The following FAT3 variants were observed in gnomAD, a reference collection of about 807,000 sequenced individuals.
FAT3 encodes FAT atypical cadherin 3.
In FAT3, 95 loss-of-function variants were observed where a neutral mutation model predicts 310.2. That is an observed-to-expected ratio of 0.31 (90% CI 0.26 to 0.36). FAT3 has a LOEUF of 0.36. FAT3 is among the 10% of genes least tolerant of loss of function. FAT3 has a pLI of 1.00. For missense variants in FAT3, 5,408 were observed against 5,715.6 expected (o/e 0.95, Z 1.74); for synonymous variants, 2,314 against 2,192.9 (o/e 1.06, Z -1.54).
intron 1 of FAT3, among the ~76,000 whole-genome samples, chr11:92,276,421 C>T (rs2134350560): frequency 6.6e-6 from 1 of 152,206 alleles, no homozygotes; most frequent in African/African-American, 2.4e-5. Context: ...TATATTTACT[C>T]ACGCCAGGAT....
chr11:92,244,284 A>G (rs979425292), intron 1 of FAT3, among the ~76,000 whole-genome samples: 1 of 151,946 alleles, frequency 6.6e-6, no homozygotes, highest in Non-Finnish European at 1.5e-5. Flanking sequence ...TCCTTTTATA[A>G]CCCTTTTATG....
At chr11:92,236,132 T>C (rs1315037565) in intron 1 of FAT3, among the ~76,000 whole-genome samples, 3 of 152,182 alleles carry the variant, frequency 2.0e-5, no homozygotes, top group African/African-American at 7.2e-5. Flanking sequence ...GTAACTATTA[T>C]TACACTAAGT....
At chr11:92,476,532 A>G (rs1952056931) in intron 2 of FAT3, among the ~76,000 whole-genome samples, 1 of 152,208 alleles carries the variant, frequency 6.6e-6, no homozygotes, top group Non-Finnish European at 1.5e-5. Context: ...AAATGAGGCA[A>G]TAACATGAGA....
intron 6 of FAT3, among the ~76,000 whole-genome samples, chr11:92,770,985 G>A (rs142324240): frequency 9.7e-4 from 148 of 152,252 alleles, no homozygotes; most frequent in Non-Finnish European, 1.6e-3. Flanking sequence ...TGTCTTGACC[G>A]AAAATGGTCA....
chr11:92,794,690 T>G (rs1947125003), intron 9 of FAT3, among the ~76,000 whole-genome samples: 1 of 152,152 alleles, frequency 6.6e-6, no homozygotes, highest in South Asian at 2.1e-4. Context: ...TAAAACATCT[T>G]TCATAAAGAA....
chr11:92,325,398 T>C (rs1319692657), intron 1 of FAT3, among the ~76,000 whole-genome samples: 12 of 152,204 alleles, frequency 7.9e-5, no homozygotes, highest in African/African-American at 2.2e-4. Context: ...GTGTACACAA[T>C]GAGTATAACA....
At chr11:92,238,471 G>A (rs531581656) in intron 1 of FAT3, among the ~76,000 whole-genome samples, 49 of 152,160 alleles carry the variant, frequency 3.2e-4, no homozygotes, top group South Asian at 2.7e-3. Context: ...TTGAAATTTC[G>A]TTTGTATAGC....
intron 3 of FAT3, among the ~76,000 whole-genome samples, chr11:92,540,890 A>G (rs1250746046): frequency 2.0e-5 from 3 of 152,080 alleles, no homozygotes; most frequent in East Asian, 3.9e-4. Context: ...TTCTCTGTGC[A>G]ATGATTTCTA....
At chr11:92,856,658 A>G (rs1176314072) in intron 19 of FAT3, among the ~76,000 whole-genome samples, 1 of 152,224 alleles carries the variant, frequency 6.6e-6, no homozygotes, top group African/African-American at 2.4e-5. Context: ...AATCAATAAC[A>G]TAGCATGTAG....
chr11:92,635,740 T>G (rs767631988), intron 3 of FAT3, among the ~76,000 whole-genome samples: 2 of 152,218 alleles, frequency 1.3e-5, no homozygotes, highest in Non-Finnish European at 2.9e-5. Flanking sequence ...TCTCTTTCAA[T>G]GTAACTGGAG....
chr11:92,886,665 C>T (rs1466903437), intron 24 of FAT3, among the ~76,000 whole-genome samples: 1 of 152,206 alleles, frequency 6.6e-6, no homozygotes, highest in Non-Finnish European at 1.5e-5. Flanking sequence ...TGTAAATTAA[C>T]TCTGAATGGC....
chr11:92,682,920 A>G (rs889905895), intron 3 of FAT3, among the ~76,000 whole-genome samples: 1 of 152,130 alleles, frequency 6.6e-6, no homozygotes, highest in Non-Finnish European at 1.5e-5. Flanking sequence ...TCTACTAAAA[A>G]TACAAAAATT....
chr11:92,442,262 C>T (rs933230228), intron 2 of FAT3, among the ~76,000 whole-genome samples: 7 of 148,436 alleles, frequency 4.7e-5, no homozygotes, highest in African/African-American at 1.5e-4. Context: ...TACAGGCACC[C>T]GCCACCACGC....
chr11:92,476,959 G>A (rs1941437), intron 2 of FAT3, among the ~76,000 whole-genome samples: 135,454 of 152,230 alleles, frequency 0.89, 61,324 homozygotes, highest in East Asian at 0.98. Flanking sequence ...GTAGACAGTT[G>A]TTTAATTCCG....
chr11:92,228,405 T>A (rs1055113298), intron 1 of FAT3, among the ~76,000 whole-genome samples: 7 of 152,148 alleles, frequency 4.6e-5, no homozygotes, highest in Non-Finnish European at 1.5e-5. Context: ...CAATAAACAG[T>A]GGATACCCAC....
At chr11:92,445,464 GA>G (rs1055009164) in intron 2 of FAT3, among the ~76,000 whole-genome samples, 7 of 151,624 alleles carry the variant, frequency 4.6e-5, no homozygotes, top group South Asian at 4.2e-4. Context: ...TCAAGGAGGG[GA>G]AAAAAAATCT....
rs1325934440 is a variant in FAT3 at position 92,895,906 on chromosome 11, C to T, written c.*4793C>T. On this transcript the variant is annotated 3_prime_UTR_variant, in exon 28 of 28. Coordinates refer to ENST00000525166, the MANE Select transcript of FAT3 (RefSeq NM_001367949.2). ...GTCATCCACGCTGTTGGTCTGCAAA[C>T]TTTTGAGGTAACTACACACACACAC... 7.2e-6 allele frequency: 1 copy of T among 138,194 alleles called. No homozygotes were observed. The highest frequency in any genetic ancestry group is 2.9e-5 in the African/African-American group (1 of 34,838). The allele number at this position is 138,194 out of a possible 1,614,324, so 8.6% of individuals were successfully genotyped here. A position where few individuals can be genotyped will look rare whatever the true frequency, so the allele number is the denominator to read the frequency against.
intron 3 of FAT3, among the ~76,000 whole-genome samples, chr11:92,569,622 T>C (rs1565420865): frequency 6.6e-6 from 1 of 152,186 alleles, no homozygotes; most frequent in South Asian, 2.1e-4. Flanking sequence ...CTGGCACTCA[T>C]GTAATTTTTG....
At chr11:92,605,860 G>C (rs2135601009) in intron 3 of FAT3, among the ~76,000 whole-genome samples, 1 of 151,466 alleles carries the variant, frequency 6.6e-6, no homozygotes, top group South Asian at 2.1e-4. Context: ...TGACGGATGT[G>C]TAATACTCCT....
Sources: allele counts gnomAD v4.1 joint callset (sites outside exome capture counted in the v4.1 genomes callset), GRCh38; gene constraint gnomAD v4.1.1; transcripts MANE v1.5; gene names NCBI Gene and HGNC (gene_info 2026-07-23, HGNC 2026-07-21).